STKLD1: variants seen among roughly 807,000 people sequenced by gnomAD.
STKLD1 encodes serine/threonine kinase-like domain-containing protein STKLD1.
STKLD1 carries 79 observed loss-of-function variants against 80.4 expected under a neutral mutation model. The ratio of observed to expected loss-of-function variants is 0.98; its 90% CI spans 0.82 to 1.19. STKLD1 has a LOEUF of 1.19. Among genes scored for constraint, STKLD1 ranks in the 50% most tolerant of loss-of-function variants. The pLI is 0.00. For missense variants in STKLD1, 841 were observed against 856.0 expected (o/e 0.98, Z 0.22); for synonymous variants, 393 against 357.6 (o/e 1.10, Z -1.12).
At chr9:133,382,785 G>A (rs1287027076) in intron 2 of STKLD1, among the ~76,000 whole-genome samples, 3 of 150,206 alleles carry the variant, frequency 2.0e-5, no homozygotes, top group African/African-American at 7.4e-5. Context: ...GGTGATGATG[G>A]TAATGATGGT....
chr9:133,380,288 G>A (rs1318520226), intron 2 of STKLD1, among the ~76,000 whole-genome samples: 4 of 151,296 alleles, frequency 2.6e-5, no homozygotes, highest in Admixed American at 2.0e-4. Context: ...CAGGCAGTCC[G>A]CCCGCCTCGG....
intron 2 of STKLD1, among the ~76,000 whole-genome samples, chr9:133,379,722 C>T (rs2130261592): frequency 5.3e-5 from 8 of 152,154 alleles, no homozygotes; most frequent in Non-Finnish European, 1.0e-4. Flanking sequence ...TTTGTGTGTC[C>T]GAGACAGGGA....
At chr9:133,388,661 T>G in intron 5 of STKLD1, 2 of 817,992 alleles carry the variant, frequency 2.4e-6, no homozygotes, top group Non-Finnish European at 3.0e-6. Context: ...AAGCATTTCC[T>G]GCTCCAAGAT....
chr9:133,390,691 C>T lies in STKLD1; in HGVS notation c.478C>T (p.Pro160Ser). The change falls in exon 7 of 18, where the codon CCC (proline) becomes TCC (serine). Residue 160 changes from proline (P) to serine (S), a missense_variant. Physicochemically the swap from Pro to Ser is moderately conservative, Grantham distance 74 (BLOSUM62 -1). Transcript: ENST00000371957. This position sits in a 1 kb window ranked among gnomAD's most constrained non-coding sequence, Gnocchi z 5.1. The part of the protein sequence containing the change: ...HLDIIHRNLK[P>S]SNIILISSDH... ...ACCTCTTGGTTTCAGGAATCTCAAA[C>T]CCTCCAACATCATCCTCATCAGCAG... is the stretch of plus-strand genomic sequence containing the variant. The T allele has an allele frequency of 1.2e-6, 2 of 1,613,444 alleles. No homozygotes were observed. Among genetic ancestry groups the T allele is most frequent in the Non-Finnish European group, 1.7e-6 (2 of 1,179,786 alleles).
chr9:133,382,183 C>T (rs1465020010), intron 2 of STKLD1, among the ~76,000 whole-genome samples: 1 of 152,202 alleles, frequency 6.6e-6, no homozygotes, highest in Non-Finnish European at 1.5e-5. Context: ...AGACAACCTT[C>T]CCCATGTGGG....
rs1042909367 is a variant in STKLD1 at position 133,389,287 on chromosome 9, T to C, written c.397-239T>C. On this transcript the variant is annotated intron_variant, in intron 5 of 17. Coordinates refer to ENST00000371957, the MANE Select transcript of STKLD1 (RefSeq NM_153710.5). This position sits in a 1 kb window ranked among gnomAD's most constrained non-coding sequence, Gnocchi z 6.4. ...CCTGCAGCACCCAGGGTCTCTGGTA[T>C]GGAGACAGCAGTGTGGAGTCTGGAA... The C allele has an allele frequency of 1.8e-5, 18 of 985,116 alleles. No individual in the cohort carries two copies. The highest frequency in any genetic ancestry group is 6.2e-5 in the Admixed American group (1 of 16,250). The allele number at this position is 985,116 out of a possible 1,614,324, so 61.0% of individuals were successfully genotyped here.
At chr9:133,397,948 TC>T (rs782053086) in intron 10 of STKLD1, 23 bp from the exon 11 acceptor site, 2 of 1,603,528 alleles carry the variant, frequency 1.2e-6, no homozygotes, top group African/African-American at 2.7e-5. Flanking sequence ...GAAAGGTCCC[TC>T]CCCTGCCTTC....
Position 133,387,542 on chromosome 9 carries a change from C to G in STKLD1, c.390C>G (p.Asp130Glu), listed in dbSNP as rs2130279934. 20 of 1,613,748 alleles carry G rather than the reference C, an allele frequency of 1.2e-5. No individual in the cohort carries two copies. Among genetic ancestry groups the G allele is most frequent in the Non-Finnish European group, 1.7e-5 (20 of 1,179,774 alleles). ...EDKRKAKKIIDSEWMQNVLGQ... is the reference protein window; with the variant it reads ...EDKRKAKKIIESEWMQNVLGQ... The stretch of plus-strand genomic sequence containing the variant: ...AGAGGAAGGCAAAGAAAATCATTGA[C>G]TCTGAGGTGAGGTCCTTTGGGGCAC... Residue 130 changes from aspartate to glutamate, a missense_variant, in exon 5 of 18, where the codon GAC (aspartate) becomes GAG (glutamate). Coordinates refer to ENST00000371957, the MANE Select transcript of STKLD1 (RefSeq NM_153710.5).
intron 5 of STKLD1, chr9:133,388,922 A>G: frequency 1.0e-6 from 1 of 985,382 alleles, no homozygotes; most frequent in Non-Finnish European, 1.2e-6. Flanking sequence ...CCAGAAACCC[A>G]GTAAGTGCAG....
At chr9:133,403,064 C>T (rs1554778014) in intron 14 of STKLD1, 52 bp downstream of exon 14, 4 of 1,519,876 alleles carry the variant, frequency 2.6e-6, no homozygotes, top group Admixed American at 2.0e-5. Context: ...CCTCCCCCAG[C>T]CCCTCCCTAA....
intron 9 of STKLD1, 83 bp from the exon 10 acceptor site, chr9:133,397,081 G>A (rs1838580992): frequency 5.0e-6 from 8 of 1,588,038 alleles, no homozygotes; most frequent in Non-Finnish European, 6.8e-6. Flanking sequence ...GGGCAGCCCG[G>A]AGCCAGAGGC....
chr9:133,388,534 G>C (rs2130282420), intron 5 of STKLD1, among the ~76,000 whole-genome samples: 3 of 152,192 alleles, frequency 2.0e-5, no homozygotes, highest in Non-Finnish European at 2.9e-5. Context: ...GATGTGAGCC[G>C]CCGCGCCTAG....
chr9:133,402,612 C>T (rs587657427), intron 13 of STKLD1, among the ~76,000 whole-genome samples: 8 of 152,240 alleles, frequency 5.3e-5, no homozygotes, highest in African/African-American at 1.9e-4. Context: ...CAGGGTCAGG[C>T]CCCCTGGATG....
In STKLD1 at chr9:133,398,059, G is replaced by T; in HGVS notation, c.1081+4G>T. On this transcript the variant is annotated splice_donor_region_variant and intron_variant, in intron 11 of 17. Coordinates refer to ENST00000371957, the MANE Select transcript of STKLD1 (RefSeq NM_153710.5). The stretch of plus-strand genomic sequence containing the variant: ...AAAATGCCTGCAGATCAGCTAGGTA[G>T]GCCCCACCCTGCACCCCTTTCCCAG... 1 of 1,612,992 alleles carries T rather than the reference G, an allele frequency of 6.2e-7. No individual in the cohort carries two copies. The highest frequency in any genetic ancestry group is 8.5e-7 in the Non-Finnish European group (1 of 1,179,526).
rs2130272319 is a variant in STKLD1, at chr9:133,384,204, C to T, written c.219+304C>T. 4.9e-5 allele frequency: 15 copies of T among 307,800 alleles called. No homozygotes were observed. Among genetic ancestry groups the T allele is most frequent in the South Asian group, 2.3e-4 (6 of 26,302 alleles). 19.1% of individuals were successfully genotyped at this position (307,800 alleles called of 1,614,324 possible). ...TTGTAATCCCACCACTTTGGGAGGC[C>T]GAGGCGGGTGGATCACTTGAGGTCA... On this transcript the variant is annotated intron_variant, in intron 3 of 17. Coordinates refer to ENST00000371957, the MANE Select transcript of STKLD1 (RefSeq NM_153710.5). This position sits in a 1 kb window ranked among gnomAD's most constrained non-coding sequence, Gnocchi z 4.3.
At position 133,397,172 on chromosome 9, in the gene STKLD1, T is replaced by G. The variant is rs201633856; in HGVS notation, c.875T>G (p.Val292Gly). The change falls in exon 10 of 18, where the codon GTG becomes GGG. Residue 292 changes from valine to glycine, a missense_variant. By Grantham distance (109) the Val-to-Gly change is moderately radical (BLOSUM62 -3). Transcript: ENST00000371957. ...CTCTGCTCCTCTGCTAGGGACGTGGTGCACATCACCTTCTTGAGAGGCTCC... is the reference window on the plus strand; with the variant it reads ...CTCTGCTCCTCTGCTAGGGACGTGGGGCACATCACCTTCTTGAGAGGCTCC... ...PSDRITIKDV[V>G]HITFLRGSFK... 31 of 1,613,886 alleles carry G rather than the reference T, an allele frequency of 1.9e-5. No individual in the cohort carries two copies. Among genetic ancestry groups the G allele is most frequent in the Non-Finnish European group, 2.6e-5 (31 of 1,180,042 alleles).
In STKLD1 at chr9:133,401,846, T is replaced by C. The variant is rs1838715123; in HGVS notation, c.1307T>C (p.Val436Ala). 1 of 1,613,590 alleles carries C rather than the reference T, an allele frequency of 6.2e-7. No homozygotes were observed. The highest frequency in any genetic ancestry group is 8.5e-7 in the Non-Finnish European group (1 of 1,179,958). ...GAGGAGGAGCCACTTCTTGTCATGG[T>C]CTACAGCCTGCTAGCCATCACCACA... The part of the protein sequence containing the change: ...HPEEEPLLVM[V>A]YSLLAITTTQ... Residue 436 changes from valine (V) to alanine (A), a missense_variant, in exon 13 of 18, where the codon GTC becomes GCC. By Grantham distance (64) the Val-to-Ala change is moderately conservative (BLOSUM62 0). Transcript: ENST00000371957.
At chr9:133,403,653 C>T (rs1554778107) in intron 14 of STKLD1, 47 bp from the exon 15 acceptor site, 1 of 1,590,262 alleles carries the variant, frequency 6.3e-7, no homozygotes, top group Admixed American at 1.7e-5. Flanking sequence ...CCCCCCTGCA[C>T]ACACCCAAGG....
intron 2 of STKLD1, among the ~76,000 whole-genome samples, chr9:133,382,169 G>T (rs1249192500): frequency 6.6e-6 from 1 of 152,164 alleles, no homozygotes; most frequent in African/African-American, 2.4e-5. Context: ...CATTCCATGC[G>T]TGGAGACAAC....
Sources: gnomAD v4.1 joint callset for allele counts (sites outside exome capture counted in the v4.1 genomes callset) on GRCh38, gnomAD v4.1.1 for gene constraint, Gnocchi (gnomAD v3.1) non-coding constraint, MANE v1.5 for transcripts, NCBI Gene and HGNC (gene_info 2026-07-23, HGNC 2026-07-21) for gene names.